The following RETREG1 variants were observed in gnomAD, a reference collection of about 807,000 sequenced individuals.
The protein encoded by RETREG1 is reticulophagy regulator 1.
A neutral mutation model predicts 54.8 loss-of-function variants in RETREG1; 44 were observed. The observed-to-expected ratio is 0.80, with a 90% CI of 0.63 to 1.03. RETREG1 has a LOEUF of 1.03. RETREG1 is among the 50% of genes least tolerant of loss of function. RETREG1 has a pLI of 0.00. For synonymous variants in RETREG1, 217 were observed against 238.5 expected (o/e 0.91, Z 0.83); for missense variants, 554 against 605.1 (o/e 0.92, Z 0.89).
intron 1 of RETREG1, among the ~76,000 whole-genome samples, chr5:16,575,588 G>A (rs1379310031): frequency 6.6e-6 from 1 of 152,238 alleles, no homozygotes; most frequent in Non-Finnish European, 1.5e-5. Context: ...AGGCCTGGCT[G>A]CCAGACTTCA....
At chr5:16,580,892 A>G (rs1462168421) in intron 1 of RETREG1, among the ~76,000 whole-genome samples, 1 of 152,196 alleles carries the variant, frequency 6.6e-6, no homozygotes, top group Non-Finnish European at 1.5e-5. Flanking sequence ...TCCCCAAGAT[A>G]TTGCAACTTC....
intron 3 of RETREG1, among the ~76,000 whole-genome samples, chr5:16,557,340 G>A (rs929985294): frequency 1.3e-5 from 2 of 152,178 alleles, no homozygotes; most frequent in Non-Finnish European, 2.9e-5. Flanking sequence ...CTGATGGTAA[G>A]AAATAATAAC....
chr5:16,554,437 G>A (rs567400500), intron 3 of RETREG1, among the ~76,000 whole-genome samples: 1 of 152,306 alleles, frequency 6.6e-6, no homozygotes, highest in African/African-American at 2.4e-5. Flanking sequence ...TGCCTGCAGA[G>A]TGCTGGTTGT....
intron 1 of RETREG1, among the ~76,000 whole-genome samples, chr5:16,583,305 G>A (rs1478986706): frequency 6.6e-6 from 1 of 150,860 alleles, no homozygotes; most frequent in African/African-American, 2.5e-5. Context: ...GGCAACAATG[G>A]TAACACCCCA....
intron 3 of RETREG1, among the ~76,000 whole-genome samples, chr5:16,560,746 G>C (rs569791565): frequency 6.6e-6 from 1 of 152,338 alleles, no homozygotes; most frequent in Admixed American, 6.5e-5. Flanking sequence ...ATCAGTCACT[G>C]TATTTTGTTC....
chr5:16,557,721 C>T (rs1741747681), intron 3 of RETREG1, among the ~76,000 whole-genome samples: 1 of 152,136 alleles, frequency 6.6e-6, no homozygotes, highest in Admixed American at 6.5e-5. Context: ...GTGCTTAGTT[C>T]CCAGGCTCGC....
chr5:16,477,300 T>G (rs2126509873), intron 8 of RETREG1, among the ~76,000 whole-genome samples: 1 of 152,300 alleles, frequency 6.6e-6, no homozygotes, highest in South Asian at 2.1e-4. Flanking sequence ...CATCACTATC[T>G]AATTCTAGGA....
chr5:16,596,402 A>G (rs1437572214), intron 1 of RETREG1, among the ~76,000 whole-genome samples: 1 of 152,192 alleles, frequency 6.6e-6, no homozygotes, highest in African/African-American at 2.4e-5. Context: ...GGCAAAACAC[A>G]TGCAAAAGCT....
chr5:16,490,347 G>C lies in RETREG1; in HGVS notation c.459-6875C>G, dbSNP rs115877503. Reference sequence around the variant, plus strand: ...AAAATATCTTAAATTATGAATAAACGTAACTATTAAAAAAGAGTTATAAGA... The same window carrying C: ...AAAATATCTTAAATTATGAATAAACCTAACTATTAAAAAAGAGTTATAAGA... On this transcript the variant is annotated intron_variant, in intron 3 of 8. Coordinates refer to ENST00000306320, the MANE Select transcript of RETREG1 (RefSeq NM_001034850.3). 6.8e-3 allele frequency among the ~76,000 whole-genome samples: 1,039 copies of C among 152,278 alleles called. 8 individuals carry two copies. Among genetic ancestry groups the C allele is most frequent in the African/African-American group, 0.023 (970 of 41,538 alleles).
intron 3 of RETREG1, among the ~76,000 whole-genome samples, chr5:16,491,585 A>T (rs536836429): frequency 6.6e-6 from 1 of 152,258 alleles, no homozygotes; most frequent in South Asian, 2.1e-4. Flanking sequence ...ATTAGCATGC[A>T]TTCCCTCATA....
chr5:16,479,263 A>G (rs1738670173), intron 5 of RETREG1, among the ~76,000 whole-genome samples: 1 of 151,854 alleles, frequency 6.6e-6, no homozygotes, highest in Non-Finnish European at 1.5e-5. Flanking sequence ...ACCACCCACA[A>G]ACACACACAT....
At chr5:16,587,861 GC>G (rs1156438019) in intron 1 of RETREG1, among the ~76,000 whole-genome samples, 3 of 152,248 alleles carry the variant, frequency 2.0e-5, no homozygotes, top group South Asian at 4.1e-4. Context: ...TCCCCTCTTT[GC>G]CGGAAGCCCT....
At chr5:16,540,382 A>G (rs542471535) in intron 3 of RETREG1, among the ~76,000 whole-genome samples, 1 of 152,372 alleles carries the variant, frequency 6.6e-6, no homozygotes, top group Admixed American at 6.5e-5. Context: ...AATGTCACAC[A>G]GGAATACCCA....
chr5:16,590,309 C>T (rs1389934826), intron 1 of RETREG1, among the ~76,000 whole-genome samples: 1 of 152,196 alleles, frequency 6.6e-6, no homozygotes, highest in African/African-American at 2.4e-5. Flanking sequence ...GCAGCGCCTG[C>T]GGTAACAAAA....
intron 3 of RETREG1, among the ~76,000 whole-genome samples, chr5:16,499,244 C>A (rs77407394): frequency 4.6e-5 from 7 of 152,084 alleles, no homozygotes; most frequent in Non-Finnish European, 8.8e-5. Context: ...TGTCCTTATG[C>A]GGCGTATGAC....
chr5:16,534,135 C>T (rs1740990538), intron 3 of RETREG1, among the ~76,000 whole-genome samples: 1 of 151,686 alleles, frequency 6.6e-6, no homozygotes, highest in Admixed American at 6.6e-5. Flanking sequence ...CCACAATTTA[C>T]AATAATGAAC....
chr5:16,479,023 T>C (rs944414345), intron 5 of RETREG1, 36 bp from the exon 6 acceptor site: 1 of 1,605,948 alleles, frequency 6.2e-7, no homozygotes, highest in Non-Finnish European at 8.5e-7. Context: ...AAAATGCCTT[T>C]CCTTTCAAAA....
chr5:16,545,135 G>A (rs1022578996), intron 3 of RETREG1, among the ~76,000 whole-genome samples: 1 of 152,148 alleles, frequency 6.6e-6, no homozygotes, highest in African/African-American at 2.4e-5. Flanking sequence ...GGAGAGTCCT[G>A]TGAATCAGGG....
chr5:16,530,765 C>T (rs1248249504), intron 3 of RETREG1, among the ~76,000 whole-genome samples: 1 of 151,454 alleles, frequency 6.6e-6, no homozygotes, highest in Non-Finnish European at 1.5e-5. Flanking sequence ...CCCAGCTACT[C>T]GGGAGGCTGA....
Sources: allele counts gnomAD v4.1 joint callset (sites outside exome capture counted in the v4.1 genomes callset), GRCh38; gene constraint gnomAD v4.1.1; transcripts MANE v1.5; gene names NCBI Gene and HGNC (gene_info 2026-07-23, HGNC 2026-07-21).